KLF12: variants seen among roughly 807,000 people sequenced by gnomAD.
The protein encoded by KLF12 is Krueppel-like factor 12.
A neutral mutation model predicts 37.8 loss-of-function variants in KLF12; 9 were observed. That is an observed-to-expected ratio of 0.24 (90% CI 0.14 to 0.42). The LOEUF (loss-of-function observed/expected upper bound fraction) is 0.42, where lower values mean the gene tolerates loss of function less well. Ranked by LOEUF, KLF12 falls within the 10% of genes least tolerant of loss-of-function variation. The pLI, the probability that KLF12 is intolerant of heterozygous loss-of-function variation, is 1.00. For missense variants in KLF12, 411 were observed against 516.0 expected (o/e 0.80, Z 1.97); for synonymous variants, 208 against 202.1 (o/e 1.03, Z -0.25).
chr13:73,960,287 A>C (rs1890980511), intron 2 of KLF12: 1 of 233,108 alleles, frequency 4.3e-6, no homozygotes, highest in Non-Finnish European at 9.4e-6. Flanking sequence ...CTTTAAAAAT[A>C]ATGCATATGA....
chr13:73,693,086 T>C lies in KLF12; in HGVS notation c.*2404A>G, dbSNP rs1246944467. On this transcript the variant is annotated 3_prime_UTR_variant, in exon 8 of 8. Transcript: ENST00000377669. ...CAGCAGAGAAAAGAACTGGCTCTTT[T>C]TATGAGAGCAAGCAGGACTAAATAC... 6.6e-6 allele frequency: 1 copy of C among 152,130 alleles called. No individual in the cohort carries two copies. The highest frequency in any genetic ancestry group is 1.5e-5 in the Non-Finnish European group (1 of 68,014). 9.4% of individuals were successfully genotyped at this position (152,130 alleles called of 1,614,324 possible).
intron 2 of KLF12, among the ~76,000 whole-genome samples, chr13:73,961,526 C>G (rs1319356299): frequency 6.6e-6 from 1 of 152,066 alleles, no homozygotes; most frequent in Non-Finnish European, 1.5e-5. Flanking sequence ...CAGGAAACCC[C>G]AAATTGTAAT....
At chr13:73,958,861 TC>T (rs149498715) in intron 2 of KLF12, among the ~76,000 whole-genome samples, 11,975 of 151,960 alleles carry the variant, frequency 0.079, 640 homozygotes, top group Non-Finnish European at 0.11. Context: ...TATGAGTCAG[TC>T]CCAAACAACG....
upstream of KLF12, among the ~76,000 whole-genome samples, chr13:74,136,963 G>A (rs1266019994): frequency 1.3e-5 from 2 of 152,182 alleles, no homozygotes; most frequent in African/African-American, 4.8e-5. Context: ...GCGTGTAAAA[G>A]AGCAAAAACA....
intron 1 of KLF12, among the ~76,000 whole-genome samples, chr13:74,124,088 C>T (rs983466146): frequency 3.3e-5 from 5 of 152,296 alleles, no homozygotes; most frequent in African/African-American, 1.2e-4. Flanking sequence ...CACAAGGTAA[C>T]GGCCTCAGCC....
chr13:74,116,149 T>A (rs977954298), intron 1 of KLF12, among the ~76,000 whole-genome samples: 11 of 152,318 alleles, frequency 7.2e-5, no homozygotes, highest in South Asian at 2.1e-4. Flanking sequence ...TCTGCTAATA[T>A]CCTCTTTGAA....
intron 7 of KLF12, among the ~76,000 whole-genome samples, chr13:73,705,989 T>C (rs1874908373): frequency 6.6e-6 from 1 of 152,076 alleles, no homozygotes. Flanking sequence ...CCGTCTCTAT[T>C]AAAAATACAA....
intron 6 of KLF12, among the ~76,000 whole-genome samples, chr13:73,763,778 C>T (rs41446252): frequency 0.036 from 5,418 of 152,130 alleles, 275 homozygotes; most frequent in African/African-American, 0.11. Context: ...ATTATTACTC[C>T]CTTAGCTTTT....
rs980051776 is a variant in KLF12 at position 73,926,630 on chromosome 13, C to T, written c.123+17351G>A. On this transcript the variant is annotated intron_variant, in intron 3 of 7. Coordinates refer to ENST00000377669, the MANE Select transcript of KLF12 (RefSeq NM_007249.5). ...TTCAATGCTCCTTTTCTCTCTCTCT[C>T]TTTTTTTTTTTTTTAACATAAATAA... 7.7e-4 allele frequency among the ~76,000 whole-genome samples: 111 copies of T among 144,814 alleles called. 1 individual carries two copies. Among genetic ancestry groups the T allele is most frequent in the African/African-American group, 2.8e-3 (109 of 39,518 alleles).
At position 73,695,185 on chromosome 13, in the gene KLF12, C is replaced by A; in HGVS notation, c.*305G>T. 3.3e-6 allele frequency: 1 copy of A among 299,114 alleles called. No homozygotes were observed. The highest frequency in any genetic ancestry group is 6.2e-6 in the Non-Finnish European group (1 of 160,528). The allele number at this position is 299,114 out of a possible 1,614,324, so 18.5% of individuals were successfully genotyped here. ...GTATCAATAACAAAATGTCTGACAG[C>A]TCAGAAAATGTACAAGCTACAAACA... On this transcript the variant is annotated 3_prime_UTR_variant, in exon 8 of 8. Transcript: ENST00000377669.
intron 3 of KLF12, among the ~76,000 whole-genome samples, chr13:73,889,397 T>A (rs1312792652): frequency 6.6e-6 from 1 of 152,198 alleles, no homozygotes; most frequent in Non-Finnish European, 1.5e-5. Context: ...TTTGAACACC[T>A]GGAGTAGGCA....
chr13:73,738,112 T>TATATATGTATGTGTAC lies in KLF12; in HGVS notation c.870-22588_870-22587insGTACACATACATATAT, dbSNP rs1566331221. Among the ~76,000 whole-genome samples, 435 of 74,624 alleles carry TATATATGTATGTGTAC rather than the reference T, an allele frequency of 5.8e-3. 5 individuals carry two copies. The highest frequency in any genetic ancestry group is 0.027 in the African/African-American group (405 of 15,194). 49.0% of individuals were successfully genotyped at this position (74,624 alleles called of 152,430 possible). A position where few individuals can be genotyped will look rare whatever the true frequency, so the allele number is the denominator to read the frequency against. ...GTGTACATATATATATATATATATA[T>TATATATGTATGTGTAC]ATATATATATATACACACACACACA... is the stretch of plus-strand genomic sequence containing the variant. On this transcript the variant is annotated intron_variant, in intron 6 of 7. Transcript: ENST00000377669.
chr13:74,222,275 G>A, the KLF12 span, among the ~76,000 whole-genome samples: 3 of 152,182 alleles, frequency 2.0e-5, no homozygotes, highest in Non-Finnish European at 2.9e-5. Flanking sequence ...TTAACATTTG[G>A]CATTCTCCTC....
intron 3 of KLF12, among the ~76,000 whole-genome samples, chr13:73,928,538 C>G (rs747514311): frequency 3.3e-5 from 5 of 152,154 alleles, no homozygotes; most frequent in Non-Finnish European, 7.3e-5. Context: ...AGAGGAAGTA[C>G]ATTTCCAACA....
intron 1 of KLF12, among the ~76,000 whole-genome samples, chr13:74,009,347 T>C (rs1207927498): frequency 2.6e-5 from 4 of 152,244 alleles, no homozygotes; most frequent in African/African-American, 9.6e-5. Flanking sequence ...ATACACATTA[T>C]GTTAAGTAAT....
At chr13:74,013,946 T>C (rs1000737053) in intron 1 of KLF12, among the ~76,000 whole-genome samples, 7 of 152,060 alleles carry the variant, frequency 4.6e-5, no homozygotes, top group African/African-American at 9.7e-5. Flanking sequence ...TTCAGAGTAG[T>C]TGGGACTACA....
the KLF12 span, among the ~76,000 whole-genome samples, chr13:74,140,728 TG>T: frequency 6.6e-6 from 1 of 151,944 alleles, no homozygotes; most frequent in South Asian, 2.1e-4. Flanking sequence ...TAAGAAATCA[TG>T]AGAAACTGAT....
chr13:73,904,874 A>G (rs907425894), intron 3 of KLF12, among the ~76,000 whole-genome samples: 6 of 151,990 alleles, frequency 3.9e-5, no homozygotes, highest in African/African-American at 9.7e-5. Flanking sequence ...TAGCAAGAAT[A>G]CACTGATCTC....
the KLF12 span, among the ~76,000 whole-genome samples, chr13:74,292,263 T>A: frequency 2.0e-4 from 30 of 152,282 alleles, no homozygotes; most frequent in African/African-American, 7.2e-4. Flanking sequence ...TGAGTTCAAA[T>A]CCCAACTCCA....
Sources: gnomAD v4.1 joint callset for allele counts (sites outside exome capture counted in the v4.1 genomes callset) on GRCh38, gnomAD v4.1.1 for gene constraint, MANE v1.5 for transcripts, NCBI Gene and HGNC (gene_info 2026-07-23, HGNC 2026-07-21) for gene names.